The following LYRM9 variants were observed in gnomAD, a reference collection of about 807,000 sequenced individuals.
LYRM9 encodes the protein LYR motif containing 9.
Under a neutral mutation model 12.6 loss-of-function variants are expected in LYRM9, and 14 were observed. The ratio of observed to expected loss-of-function variants is 1.11; its 90% CI spans 0.73 to 1.73. The LOEUF is 1.73. Among genes scored for constraint, LYRM9 ranks in the 40% most tolerant of loss-of-function variants. The pLI is 0.00. For missense variants in LYRM9, 94 were observed against 95.0 expected (o/e 0.99, Z 0.04); for synonymous variants, 42 against 35.1 (o/e 1.20, Z -0.69).
At position 27,878,987 on chromosome 17, in the gene LYRM9, C is replaced by T; in HGVS notation, c.*486G>A. On this transcript the variant is annotated 3_prime_UTR_variant, in exon 4 of 4. Coordinates refer to ENST00000379102, the MANE Select transcript of LYRM9 (RefSeq NM_001076680.3). Reference sequence around the variant, plus strand: ...GGCAGGACGGCTTCCTTGAAGGGAGCCCTTCAGGCACTGTCATGTGCCACA... The same window carrying T: ...GGCAGGACGGCTTCCTTGAAGGGAGTCCTTCAGGCACTGTCATGTGCCACA... 1 of 155,416 alleles carries T rather than the reference C, an allele frequency of 6.4e-6. No individual in the cohort carries two copies. The highest frequency in any genetic ancestry group is 1.4e-5 in the Non-Finnish European group (1 of 70,042). 9.6% of individuals were successfully genotyped at this position (155,416 alleles called of 1,614,324 possible).
At chr17:27,880,194 G>C in intron 3 of LYRM9, 80 bp downstream of exon 3, 1 of 1,081,898 alleles carries the variant, frequency 9.2e-7, no homozygotes. Context: ...CTGTGGGGCA[G>C]GAGTGGCCTC....
chr17:27,879,496 A>AG lies in LYRM9; in HGVS notation c.220-7dup. Reference sequence around the variant, plus strand: ...TCTCAGTTTTGTTTTTTATACTGCAAGACAGAGAGATTCGAAGTGGAGGAG... The same window carrying AG: ...TCTCAGTTTTGTTTTTTATACTGCAAGGACAGAGAGATTCGAAGTGGAGGAG... On this transcript the variant is annotated splice_polypyrimidine_tract_variant and splice_region_variant and intron_variant, in intron 3 of 3. Coordinates refer to ENST00000379102, the MANE Select transcript of LYRM9 (RefSeq NM_001076680.3). 1 of 1,552,262 alleles carries AG rather than the reference A, an allele frequency of 6.4e-7. No individual in the cohort carries two copies. Among genetic ancestry groups the AG allele is most frequent in the Non-Finnish European group, 8.7e-7 (1 of 1,147,358 alleles).
chr17:27,884,660 C>T (rs974660073), intron 1 of LYRM9, among the ~76,000 whole-genome samples: 1 of 152,200 alleles, frequency 6.6e-6, no homozygotes, highest in African/African-American at 2.4e-5. Context: ...TCTGCTACCT[C>T]GCCTGTGGCT....
chr17:27,892,726 G>C (rs1256024166), intron 1 of LYRM9: 5 of 267,880 alleles, frequency 1.9e-5, no homozygotes, highest in Non-Finnish European at 3.0e-5. Context: ...TATGGTGACA[G>C]CTGCACAACT....
rs1905244836 is a variant in LYRM9 at position 27,886,684 on chromosome 17, T to C, written c.-18-3972A>G. 6.6e-6 allele frequency among the ~76,000 whole-genome samples: 1 copy of C among 151,664 alleles called. No homozygotes were observed. Among genetic ancestry groups the C allele is most frequent in the African/African-American group, 2.4e-5 (1 of 41,256 alleles). Reference sequence around the variant, plus strand: ...TTTTTTTTGAGACAGAGTTTCGCTCTTGTTGCCCAGGCTGGAGTGCAATGG... The same window carrying C: ...TTTTTTTTGAGACAGAGTTTCGCTCCTGTTGCCCAGGCTGGAGTGCAATGG... On this transcript the variant is annotated intron_variant, in intron 1 of 3. Transcript: ENST00000379102. The surrounding 1 kb of genome is among the most constrained non-coding windows in gnomAD (Gnocchi z 4.8).
intron 1 of LYRM9, among the ~76,000 whole-genome samples, chr17:27,883,602 A>ATAGTC (rs1905136585): frequency 6.6e-6 from 1 of 151,444 alleles, no homozygotes; most frequent in Admixed American, 6.6e-5. Flanking sequence ...GTGAGCCAAG[A>ATAGTC]TAGTACGACT....
chr17:27,891,546 C>A (rs1905448410), intron 1 of LYRM9, among the ~76,000 whole-genome samples: 1 of 152,204 alleles, frequency 6.6e-6, no homozygotes, highest in African/African-American at 2.4e-5. Flanking sequence ...CCTACCTTGA[C>A]TTCTTCACCT....
At chr17:27,882,920 A>T (rs759444033) in intron 1 of LYRM9, 1 of 662,454 alleles carries the variant, frequency 1.5e-6, no homozygotes, top group South Asian at 1.5e-5. Context: ...ACCAAAGGTG[A>T]GTGTGGAGGG....
At chr17:27,879,804 T>A in intron 3 of LYRM9, 1 of 541,968 alleles carries the variant, frequency 1.8e-6, no homozygotes, top group Non-Finnish European at 3.3e-6. Flanking sequence ...AATACCAGCA[T>A]CTAAGGGCCA....
In LYRM9 at chr17:27,878,464, T is replaced by G. The variant is rs1347988838; in HGVS notation, c.*1009A>C. 2.0e-5 allele frequency: 3 copies of G among 152,202 alleles called. No individual in the cohort carries two copies. The highest frequency in any genetic ancestry group is 7.2e-5 in the African/African-American group (3 of 41,438). 9.4% of individuals were successfully genotyped at this position (152,202 alleles called of 1,614,324 possible). The stretch of plus-strand genomic sequence containing the variant: ...TAACTGCAAGGATACAAACAAACAC[T>G]AGTTCATCCCTGTGGCTGAGTGCCC... On this transcript the variant is annotated 3_prime_UTR_variant, in exon 4 of 4. Transcript: ENST00000379102.
chr17:27,880,783 T>TA, intron 2 of LYRM9: 2 of 191,526 alleles, frequency 1.0e-5, no homozygotes, highest in South Asian at 1.1e-4. Flanking sequence ...AGGACTTCTC[T>TA]CGGCCCAGTG....
intron 1 of LYRM9, among the ~76,000 whole-genome samples, chr17:27,887,713 G>GGGGTGTGT (rs1485417792): frequency 1.1e-3 from 96 of 86,828 alleles, no homozygotes; most frequent in South Asian, 5.6e-3. Flanking sequence ...TAGGAGGGAG[G>GGGGTGTGT]GTGTGTGTGT....
intron 3 of LYRM9, 194 bp from the exon 4 acceptor site, chr17:27,879,684 GA>G: frequency 3.5e-6 from 2 of 579,616 alleles, no homozygotes; most frequent in Non-Finnish European, 6.0e-6. Flanking sequence ...CTTCTTTAGT[GA>G]AAAAGGAAGC....
rs1270111088 is a variant in LYRM9 at position 27,879,639 on chromosome 17, CAGCCAA to C, written c.220-155_220-150del. ...TGAAACCCAAGCAGGAGGCACTGGG[CAGCCAA>C]ATCTCTAGTTCATGCCTGGACTCCC... On this transcript the variant is annotated intron_variant, in intron 3 of 3. Coordinates refer to ENST00000379102, the MANE Select transcript of LYRM9 (RefSeq NM_001076680.3). 4.1e-6 allele frequency: 3 copies of C among 728,292 alleles called. No homozygotes were observed. The African/African-American group carries it at 5.4e-5, about 13-fold the overall frequency. 45.1% of individuals were successfully genotyped at this position (728,292 alleles called of 1,614,324 possible).
Position 27,886,255 on chromosome 17 carries a change from C to A in LYRM9, c.-18-3543G>T, listed in dbSNP as rs562774456. On this transcript the variant is annotated intron_variant, in intron 1 of 3. Coordinates refer to ENST00000379102, the MANE Select transcript of LYRM9 (RefSeq NM_001076680.3). The surrounding 1 kb of genome is among the most constrained non-coding windows in gnomAD (Gnocchi z 4.8). ...AACTCAAGCAATACTTAGTAACCAA[C>A]CCAGCAAGTATGGGCGGCAGATTAT... 1.3e-5 allele frequency among the ~76,000 whole-genome samples: 2 copies of A among 152,346 alleles called. No individual in the cohort carries two copies. Among genetic ancestry groups the A allele is most frequent in the South Asian group, 4.1e-4 (2 of 4,828 alleles).
intron 1 of LYRM9, among the ~76,000 whole-genome samples, chr17:27,887,892 G>A (rs376001153): frequency 1.3e-5 from 2 of 152,180 alleles, no homozygotes; most frequent in Admixed American, 1.3e-4. Context: ...AGGAAGAGCT[G>A]ATGTCCCAGT....
rs916845493 is a variant in LYRM9, at chr17:27,879,465, C to T, written c.*8G>A. 5 of 1,551,242 alleles carry T rather than the reference C, an allele frequency of 3.2e-6. No individual in the cohort carries two copies. The highest frequency in any genetic ancestry group is 3.5e-6 in the Non-Finnish European group (4 of 1,147,018). On this transcript the variant is annotated 3_prime_UTR_variant, in exon 4 of 4. Transcript: ENST00000379102. ...TCCAGAGGCCAGGAAGGCTCACCCT[C>T]GGAGCTCTCAGTTTTGTTTTTTATA...
At position 27,879,274 on chromosome 17, in the gene LYRM9, T is replaced by C. The variant is rs1904952561; in HGVS notation, c.*199A>G. ...TTCTCCCCAAATTTCACATCGTAAGTGGCTGGAAGTGCAAACATAAAGGAT... is the reference window on the plus strand; with the variant it reads ...TTCTCCCCAAATTTCACATCGTAAGCGGCTGGAAGTGCAAACATAAAGGAT... On this transcript the variant is annotated 3_prime_UTR_variant, in exon 4 of 4. Transcript: ENST00000379102. 2 of 450,252 alleles carry C rather than the reference T, an allele frequency of 4.4e-6. No homozygotes were observed. The highest frequency in any genetic ancestry group is 7.7e-6 in the Non-Finnish European group (2 of 259,562). 27.9% of individuals were successfully genotyped at this position (450,252 alleles called of 1,614,324 possible).
chr17:27,882,588 T>C lies in LYRM9; in HGVS notation c.107A>G (p.Tyr36Cys), dbSNP rs1191451859. The part of the protein sequence containing the change: ...QLPTKGIQQH[Y>C]KHAVRQSFRV... ...TCGCACCTGCCTGACAGCATGCTTG[T>C]AATGCTGCTGGATGCCCTTGGTCGG... The change falls in exon 2 of 4, where the codon TAC becomes TGC. Residue 36 changes from tyrosine (Y) to cysteine (C), a missense_variant. Coordinates refer to ENST00000379102, the MANE Select transcript of LYRM9 (RefSeq NM_001076680.3). The C allele has an allele frequency of 6.3e-6, 10 of 1,595,896 alleles. No individual in the cohort carries two copies. The South Asian group carries it at 1.1e-4, about 18-fold the overall frequency.
Sources: allele counts gnomAD v4.1 joint callset (sites outside exome capture counted in the v4.1 genomes callset), GRCh38; gene constraint gnomAD v4.1.1; non-coding constraint Gnocchi (gnomAD v3.1); transcripts MANE v1.5; gene names NCBI Gene and HGNC (gene_info 2026-07-23, HGNC 2026-07-21).